Variants in HOXC5 observed in about 807,000 individuals in gnomAD.
The protein encoded by HOXC5 is homeobox protein Hox-C5.
HOXC5 carries 19 observed loss-of-function variants against 20.1 expected under a neutral mutation model. That is an observed-to-expected ratio of 0.94 (90% CI 0.66 to 1.38). HOXC5 has a LOEUF of 1.38. HOXC5 is among the 40% of genes most tolerant of loss of function. The probability of loss-of-function intolerance (pLI) is 0.00; values close to 1 mark genes in which losing one functional copy is unlikely to be tolerated. For synonymous variants in HOXC5, 124 were observed against 117.0 expected (o/e 1.06, Z -0.39); for missense variants, 330 against 300.1 (o/e 1.10, Z -0.74).
rs750710324 is a variant in HOXC5 at position 54,033,194 on chromosome 12, T to C, written c.72T>C (p.Cys24=). The change falls in exon 1 of 2, where the codon TGT becomes TGC. Residue 24 remains cysteine, a synonymous_variant. Transcript: ENST00000312492. ...TCCCTGCCTATAACATGCAAACTTG[T>C]GGGAACTATGGATCGGCCTCAGAGG... ...PNIPAYNMQT[C]GNYGSASEVQ... 49 of 1,614,026 alleles carry C rather than the reference T, an allele frequency of 3.0e-5. No individual in the cohort carries two copies. Among genetic ancestry groups the C allele is most frequent in the Non-Finnish European group, 4.1e-5 (48 of 1,180,018 alleles).
upstream of HOXC5, among the ~76,000 whole-genome samples, chr12:54,029,195 A>G (rs1940870884): frequency 6.6e-6 from 1 of 152,124 alleles, no homozygotes; most frequent in South Asian, 2.1e-4. Context: ...GGAGCAGAAG[A>G]TAGGGGAGCC....
chr12:54,029,500 T>TG (rs1697213288), upstream of HOXC5: 1 of 434,752 alleles, frequency 2.3e-6, no homozygotes. Context: ...GTACCCCCAG[T>TG]GGGGGTGGGG....
the HOXC5 span, among the ~76,000 whole-genome samples, chr12:54,024,994 T>A: frequency 6.6e-6 from 1 of 152,212 alleles, no homozygotes; most frequent in East Asian, 1.9e-4. Flanking sequence ...TAATTAAAGC[T>A]TCTCTGAAAG....
upstream of HOXC5, chr12:54,029,037 C>T (rs1008115998): frequency 2.0e-6 from 2 of 999,918 alleles, no homozygotes; most frequent in East Asian, 2.6e-5. Flanking sequence ...CAATCACGCT[C>T]GTCTCCTCAC....
At position 54,034,560 on chromosome 12, in the gene HOXC5, C is replaced by T. The variant is rs1236138618; in HGVS notation, c.*68C>T. 3 of 1,332,060 alleles carry T rather than the reference C, an allele frequency of 2.3e-6. No individual in the cohort carries two copies. The highest frequency in any genetic ancestry group is 3.2e-6 in the Non-Finnish European group (3 of 941,518). The allele number at this position is 1,332,060 out of a possible 1,614,324, so 82.5% of individuals were successfully genotyped here. The stretch of plus-strand genomic sequence containing the variant: ...CTGTCCCTGCGCCTTTCCTTTTCGC[C>T]TTTCCTCTCTATATTTCGGGTCGGG... On this transcript the variant is annotated 3_prime_UTR_variant, in exon 2 of 2. Coordinates refer to ENST00000312492, the MANE Select transcript of HOXC5 (RefSeq NM_018953.4).
At chr12:54,019,774 C>T in the HOXC5 span, 1 of 152,008 alleles carries the variant, frequency 6.6e-6, no homozygotes, top group Admixed American at 6.5e-5. Flanking sequence ...TGCTAGAGTT[C>T]GAGGTTGGCC....
Position 54,033,111 on chromosome 12 carries a change from G to T in HOXC5, c.-12G>T. 6.3e-7 allele frequency: 1 copy of T among 1,585,406 alleles called. No homozygotes were observed. On this transcript the variant is annotated 5_prime_UTR_variant, in exon 1 of 2. Transcript: ENST00000312492. ...AAAAAGGGTGCAGAAATTTTTTTGG[G>T]CCCTCCCCGCCATGAGCTCCTACGT...
the HOXC5 span, among the ~76,000 whole-genome samples, chr12:54,027,968 A>G: frequency 6.6e-6 from 1 of 152,176 alleles, no homozygotes; most frequent in Non-Finnish European, 1.5e-5. Flanking sequence ...ATGGAGTGTC[A>G]AAACAGGATT....
chr12:54,030,065 T>C, upstream of HOXC5: 1 of 1,198,228 alleles, frequency 8.3e-7, no homozygotes. Flanking sequence ...ATTGATGTGT[T>C]TTGATTCCCT....
upstream of HOXC5, chr12:54,029,704 G>T: frequency 6.2e-7 from 1 of 1,614,214 alleles, no homozygotes; most frequent in Non-Finnish European, 8.5e-7. Context: ...TCTACTCGCG[G>T]TACCAGACCC....
At chr12:54,028,640 A>G, upstream of HOXC5, 3 of 1,613,958 alleles carry the variant, frequency 1.9e-6, no homozygotes, top group African/African-American at 1.3e-5. Flanking sequence ...TTCTCGACCT[A>G]TGGAGCGGCC....
At chr12:54,024,706 C>A in the HOXC5 span, among the ~76,000 whole-genome samples, 2 of 152,152 alleles carry the variant, frequency 1.3e-5, no homozygotes, top group African/African-American at 4.8e-5. Flanking sequence ...TGCCCCCAGC[C>A]TTTCCCTGGC....
chr12:54,028,842 G>A, upstream of HOXC5: 1 of 1,614,140 alleles, frequency 6.2e-7, no homozygotes, highest in Non-Finnish European at 8.5e-7. Flanking sequence ...TTAGTTCTGA[G>A]CAGGGCAGGA....
At position 54,034,574 on chromosome 12, in the gene HOXC5, T is replaced by C. The variant is rs1941130580; in HGVS notation, c.*82T>C. On this transcript the variant is annotated 3_prime_UTR_variant, in exon 2 of 2. Coordinates refer to ENST00000312492, the MANE Select transcript of HOXC5 (RefSeq NM_018953.4). The stretch of plus-strand genomic sequence containing the variant: ...TTCCTTTTCGCCTTTCCTCTCTATA[T>C]TTCGGGTCGGGGGCAGGTGCTGGAG... 21 of 1,231,652 alleles carry C rather than the reference T, an allele frequency of 1.7e-5. No individual in the cohort carries two copies. Among genetic ancestry groups the C allele is most frequent in the Middle Eastern group, 5.5e-4 (2 of 3,630 alleles). The allele number at this position is 1,231,652 out of a possible 1,614,324, so 76.3% of individuals were successfully genotyped here. A position where few individuals can be genotyped will look rare whatever the true frequency, so the allele number is the denominator to read the frequency against.
At chr12:54,034,181 C>T (rs1941110003) in intron 1 of HOXC5, 97 bp from the exon 2 acceptor site, 6 of 1,208,422 alleles carry the variant, frequency 5.0e-6, no homozygotes, top group Non-Finnish European at 7.3e-6. Flanking sequence ...GCCTCCTCTC[C>T]CTCCGGCCGC....
chr12:54,026,961 TG>T, the HOXC5 span, among the ~76,000 whole-genome samples: 1 of 83,714 alleles, frequency 1.2e-5, no homozygotes, highest in Non-Finnish European at 2.7e-5. Context: ...CACCCAAAAA[TG>T]GTGGGGGGGG....
upstream of HOXC5, chr12:54,030,390 G>A (rs901114856): frequency 4.0e-5 from 6 of 151,836 alleles, no homozygotes; most frequent in African/African-American, 1.2e-4. Context: ...CGGCCTGGCA[G>A]CCGGGGAGGG....
rs777472361 is a variant in HOXC5 at position 54,034,530 on chromosome 12, G to C, written c.*38G>C. ...AGGCCCGCAGAGCGCGCCCCTAGCC[G>C]GTTCCTGTCCCTGCGCCTTTCCTTT... On this transcript the variant is annotated 3_prime_UTR_variant, in exon 2 of 2. Transcript: ENST00000312492. The C allele has an allele frequency of 1.9e-6, 3 of 1,542,972 alleles. No individual in the cohort carries two copies. Among genetic ancestry groups the C allele is most frequent in the Non-Finnish European group, 2.7e-6 (3 of 1,118,952 alleles).
At chr12:54,026,720 C>T in the HOXC5 span, among the ~76,000 whole-genome samples, 1 of 152,216 alleles carries the variant, frequency 6.6e-6, no homozygotes, top group South Asian at 2.1e-4. Context: ...TCCACCAGCT[C>T]CTGCACACTG....
Sources: allele counts gnomAD v4.1 joint callset (sites outside exome capture counted in the v4.1 genomes callset), GRCh38; gene constraint gnomAD v4.1.1; transcripts MANE v1.5; gene names NCBI Gene and HGNC (gene_info 2026-07-23, HGNC 2026-07-21).